Variants in PRKCB observed in about 807,000 individuals in gnomAD.
PRKCB encodes the protein protein kinase C beta.
In PRKCB, 13 loss-of-function variants were observed where a neutral mutation model predicts 81.5. That is an observed-to-expected ratio of 0.16 (90% CI 0.10 to 0.25). The LOEUF (loss-of-function observed/expected upper bound fraction) is 0.25, where lower values mean the gene tolerates loss of function less well. Among genes scored for constraint, PRKCB ranks in the 10% least tolerant of loss-of-function variants. The pLI is 1.00. For missense variants in PRKCB, 509 were observed against 875.7 expected (o/e 0.58, Z 5.29); for synonymous variants, 335 against 321.4 (o/e 1.04, Z -0.45).
rs187643791 is a variant in PRKCB at position 23,891,278 on chromosome 16, C to T, written c.205+53872C>T. Among the ~76,000 whole-genome samples, 1,021 of 152,152 alleles carry T rather than the reference C, an allele frequency of 6.7e-3. 2 individuals are homozygous for T. The highest frequency in any genetic ancestry group is 1.0e-2 in the Non-Finnish European group (677 of 68,002). ...ATGCTGCCTGCGCTGTTCTTGAACTCCTGGGCTCAAGCAATCCTCCTGTCT... is the reference window on the plus strand; with the variant it reads ...ATGCTGCCTGCGCTGTTCTTGAACTTCTGGGCTCAAGCAATCCTCCTGTCT... On this transcript the variant is annotated intron_variant, in intron 2 of 16. Coordinates refer to ENST00000643927, the MANE Select transcript of PRKCB (RefSeq NM_002738.7).
intron 10 of PRKCB, among the ~76,000 whole-genome samples, chr16:24,162,964 G>T (rs369469993): frequency 6.6e-6 from 1 of 152,172 alleles, no homozygotes. Context: ...GTCTAGAATA[G>T]ATTTCTAGGT....
chr16:24,016,043 T>C (rs1965273114), intron 3 of PRKCB, among the ~76,000 whole-genome samples: 1 of 152,084 alleles, frequency 6.6e-6, no homozygotes, highest in African/African-American at 2.4e-5. Flanking sequence ...GTTTTAAAGG[T>C]TGTGGGTAAT....
chr16:24,050,714 C>T (rs1965830808), intron 5 of PRKCB, among the ~76,000 whole-genome samples: 1 of 152,158 alleles, frequency 6.6e-6, no homozygotes, highest in African/African-American at 2.4e-5. Flanking sequence ...ATTGATTTCA[C>T]TAACAATTGG....
chr16:24,087,500 A>G (rs556781972), intron 5 of PRKCB, among the ~76,000 whole-genome samples: 3 of 152,302 alleles, frequency 2.0e-5, no homozygotes, highest in South Asian at 2.1e-4. Context: ...CTTTGGATTA[A>G]TGTTCTTTTA....
intron 2 of PRKCB, among the ~76,000 whole-genome samples, chr16:23,944,595 A>G (rs1461166663): frequency 6.6e-6 from 1 of 152,148 alleles, no homozygotes; most frequent in African/African-American, 2.4e-5. Context: ...TTTTGCCAAC[A>G]TTCCTTCTTG....
rs1300682366 is a variant in PRKCB at position 24,136,496 on chromosome 16, G to A, written c.1065+12515G>A. Among the ~76,000 whole-genome samples, 4 of 152,250 alleles carry A rather than the reference G, an allele frequency of 2.6e-5. No individual in the cohort carries two copies. In the East Asian group the frequency reaches 7.7e-4, roughly 29 times the overall value. ...CCATGGCTCCATCTGGGGGGTTGTA[G>A]GGGGGCCCCCAGCCTGTCATCCCTG... On this transcript the variant is annotated intron_variant, in intron 9 of 16. Transcript: ENST00000643927.
intron 5 of PRKCB, among the ~76,000 whole-genome samples, chr16:24,075,666 C>A (rs1404749472): frequency 6.6e-6 from 1 of 152,174 alleles, no homozygotes; most frequent in Non-Finnish European, 1.5e-5. Context: ...GTAGGAACAA[C>A]GAGGTTGCAA....
At chr16:24,030,338 G>C (rs181966913) in intron 3 of PRKCB, among the ~76,000 whole-genome samples, 1 of 152,150 alleles carries the variant, frequency 6.6e-6, no homozygotes, top group East Asian at 1.9e-4. Flanking sequence ...GTTTGGGAGC[G>C]GGGGTGCGCT....
chr16:23,982,061 CCCTTCT>C (rs1348191447), intron 2 of PRKCB, among the ~76,000 whole-genome samples: 12 of 110,954 alleles, frequency 1.1e-4, no homozygotes, highest in African/African-American at 1.2e-4. Context: ...CTTTCCCTTC[CCCTTCT>C]CTTTCCCTTC....
intron 2 of PRKCB, among the ~76,000 whole-genome samples, chr16:23,976,457 A>G (rs930416299): frequency 6.6e-6 from 1 of 152,176 alleles, no homozygotes; most frequent in African/African-American, 2.4e-5. Flanking sequence ...TCACACGCCC[A>G]TGCCTGAATC....
intron 5 of PRKCB, among the ~76,000 whole-genome samples, chr16:24,056,534 G>A (rs915825708): frequency 6.6e-6 from 1 of 152,236 alleles, no homozygotes; most frequent in South Asian, 2.1e-4. Flanking sequence ...CGGTGTTGGA[G>A]GTGAGGCCTC....
chr16:24,167,587 A>C (rs1267692107), intron 10 of PRKCB, among the ~76,000 whole-genome samples: 2 of 152,086 alleles, frequency 1.3e-5, no homozygotes, highest in Non-Finnish European at 2.9e-5. Flanking sequence ...AAAATTGGTT[A>C]ACTTGTGCTC....
intron 2 of PRKCB, among the ~76,000 whole-genome samples, chr16:23,928,425 G>A (rs537945076): frequency 2.0e-5 from 3 of 152,232 alleles, no homozygotes; most frequent in Non-Finnish European, 4.4e-5. Context: ...ACCGCGCCCG[G>A]CCCACAGACA....
At chr16:24,188,415 G>A (rs1567406665) in intron 15 of PRKCB, among the ~76,000 whole-genome samples, 1 of 152,190 alleles carries the variant, frequency 6.6e-6, no homozygotes, top group Admixed American at 6.5e-5. Flanking sequence ...TTAGAGCAGA[G>A]TGCGGGAACT....
At chr16:23,990,805 C>T (rs1315784010) in intron 3 of PRKCB, among the ~76,000 whole-genome samples, 4 of 152,180 alleles carry the variant, frequency 2.6e-5, no homozygotes, top group Non-Finnish European at 5.9e-5. Context: ...ACCTTGACCT[C>T]CCAAAGTGCT....
At chr16:24,171,331 T>C (rs577510020) in intron 10 of PRKCB, among the ~76,000 whole-genome samples, 18 of 152,320 alleles carry the variant, frequency 1.2e-4, no homozygotes, top group African/African-American at 3.8e-4. Context: ...TACCTTCCCA[T>C]AGTACTGCTT....
intron 2 of PRKCB, among the ~76,000 whole-genome samples, chr16:23,897,615 C>T (rs1230893401): frequency 6.6e-6 from 1 of 152,170 alleles, no homozygotes; most frequent in African/African-American, 2.4e-5. Flanking sequence ...CCCTCCAGTT[C>T]CTGGAACTGA....
At chr16:23,855,980 A>C (rs892478779) in intron 2 of PRKCB, among the ~76,000 whole-genome samples, 1 of 152,118 alleles carries the variant, frequency 6.6e-6, no homozygotes, top group Non-Finnish European at 1.5e-5. Flanking sequence ...ATTTGGGGGA[A>C]TGCCTTCTGG....
chr16:23,953,283 T>G (rs777886619), intron 2 of PRKCB, among the ~76,000 whole-genome samples: 1 of 152,212 alleles, frequency 6.6e-6, no homozygotes, highest in African/African-American at 2.4e-5. Context: ...TTTTCCAATA[T>G]TGACTTCGGG....
Sources: allele counts gnomAD v4.1 joint callset (sites outside exome capture counted in the v4.1 genomes callset), GRCh38; gene constraint gnomAD v4.1.1; transcripts MANE v1.5; gene names NCBI Gene and HGNC (gene_info 2026-07-23, HGNC 2026-07-21).